SENP7: variants seen among roughly 807,000 people sequenced by gnomAD.
SENP7 encodes the protein sentrin-specific protease 7.
A neutral mutation model predicts 141.2 loss-of-function variants in SENP7; 64 were observed. That is an observed-to-expected ratio of 0.45 (90% confidence interval 0.37 to 0.56). The LOEUF (loss-of-function observed/expected upper bound fraction) is 0.56, where lower values mean the gene tolerates loss of function less well. Ranked by LOEUF, SENP7 falls within the 20% of genes least tolerant of loss-of-function variation. SENP7 has a pLI of 0.00. For synonymous variants in SENP7, 382 were observed against 426.4 expected, an observed-to-expected ratio of 0.90 and a Z score of 1.28; for missense variants, 1,025 against 1,212.2, an observed-to-expected ratio of 0.85 and a Z score of 2.29.
In SENP7 at chr3:101,398,897, T is replaced by C. The variant is rs779976247; in HGVS notation, c.641A>G (p.Asn214Ser). ...ATAACAGCTCTTGTGAGGGTTTAGA[T>C]TTTGATAAGATTCTAGGCTGCCATC... The part of the protein sequence containing the change: ...SSDGSLESYQ[N>S]LNPHKSCYLS... The change falls in exon 6 of 24, where the codon AAT becomes AGT. Residue 214 changes from asparagine (N) to serine (S), a missense_variant. Physicochemically the swap from Asn to Ser is conservative, Grantham distance 46. Around this residue, in one of 4 missense-constraint regions of SENP7, gnomAD observed 496 missense variants for 503.5 expected, o/e 0.99. Coordinates refer to ENST00000394095, the MANE Select transcript of SENP7 (RefSeq NM_020654.5). The C allele has an allele frequency of 6.2e-7, 1 of 1,610,620 alleles. No individual in the cohort carries two copies. Among genetic ancestry groups the C allele is most frequent in the South Asian group, 1.1e-5 (1 of 90,354 alleles).
intron 9 of SENP7, 143 bp downstream of exon 9, chr3:101,366,287 G>A: frequency 2.0e-6 from 1 of 497,036 alleles, no homozygotes; most frequent in Non-Finnish European, 3.4e-6. Flanking sequence ...CAAACCCCAA[G>A]CCCTTTTTTC....
intron 4 of SENP7, among the ~76,000 whole-genome samples, chr3:101,432,311 C>T (rs2062211850): frequency 6.6e-6 from 1 of 152,124 alleles, no homozygotes; most frequent in South Asian, 2.1e-4. Flanking sequence ...TTTTTGACTC[C>T]AGTCCCTGAC....
chr3:101,434,491 T>C (rs538912578), intron 4 of SENP7, among the ~76,000 whole-genome samples: 7 of 151,996 alleles, frequency 4.6e-5, no homozygotes, highest in African/African-American at 1.7e-4. Context: ...AAAAGTTGGT[T>C]TTTTCAAAAG....
chr3:101,368,827 A>T (rs550050294), intron 7 of SENP7, among the ~76,000 whole-genome samples: 1 of 152,338 alleles, frequency 6.6e-6, no homozygotes, highest in East Asian at 1.9e-4. Flanking sequence ...AAGTCTTTTA[A>T]AATGTAATTT....
At chr3:101,410,476 G>A (rs1318947648) in intron 5 of SENP7, among the ~76,000 whole-genome samples, 1 of 152,148 alleles carries the variant, frequency 6.6e-6, no homozygotes, top group Non-Finnish European at 1.5e-5. Context: ...TTGCACACGT[G>A]TTTATAGGAG....
intron 19 of SENP7, 103 bp downstream of exon 19, chr3:101,331,882 A>G: frequency 1.8e-6 from 2 of 1,135,752 alleles, no homozygotes; most frequent in South Asian, 3.5e-5. Flanking sequence ...AGTAGGTTTA[A>G]TGATAGTAAA....
chr3:101,463,364 A>AATATATATATATATATATATATATATAT (rs71625265), intron 3 of SENP7, among the ~76,000 whole-genome samples: 22 of 89,206 alleles, frequency 2.5e-4, no homozygotes, highest in South Asian at 3.6e-4. Flanking sequence ...TAAATAAATA[A>AATATATATATATATATATATATATATAT]ATATATATAT....
intron 13 of SENP7, among the ~76,000 whole-genome samples, chr3:101,347,084 T>C (rs1210758789): frequency 6.6e-6 from 1 of 151,724 alleles, no homozygotes; most frequent in Non-Finnish European, 1.5e-5. Flanking sequence ...TTGCCAGGTA[T>C]GGTGCTGCAC....
intron 4 of SENP7, among the ~76,000 whole-genome samples, chr3:101,439,051 G>A (rs1190721144): frequency 4.6e-5 from 6 of 130,322 alleles, no homozygotes; most frequent in Non-Finnish European, 8.4e-5. Flanking sequence ...AGTGAGGAGC[G>A]TCTCCGCCCG....
chr3:101,442,710 G>A (rs368431736), intron 4 of SENP7, among the ~76,000 whole-genome samples: 2 of 151,912 alleles, frequency 1.3e-5, no homozygotes, highest in South Asian at 2.1e-4. Flanking sequence ...TCATTAAAAA[G>A]AACCAAACAA....
chr3:101,513,083 T>A lies in SENP7; in HGVS notation c.40+8A>T. On this transcript the variant is annotated splice_region_variant and intron_variant, in intron 1 of 23. Coordinates refer to ENST00000394095, the MANE Select transcript of SENP7 (RefSeq NM_020654.5). ...AATATGTTCAGCCCTTCTCTGACCC[T>A]TTCTCACCGGATGAAGATGGCCGTC... The A allele has an allele frequency of 6.2e-7, 1 of 1,613,278 alleles. No individual in the cohort carries two copies.
intron 3 of SENP7, among the ~76,000 whole-genome samples, chr3:101,491,179 G>C (rs962104192): frequency 1.3e-5 from 2 of 148,762 alleles, no homozygotes; most frequent in African/African-American, 5.0e-5. Flanking sequence ...CTGGAGTATA[G>C]TGGCACAATC....
intron 4 of SENP7, among the ~76,000 whole-genome samples, chr3:101,444,627 T>G: frequency 6.6e-6 from 1 of 151,406 alleles, no homozygotes. Context: ...TCATTCTCAG[T>G]AAACTATCGC....
intron 9 of SENP7, among the ~76,000 whole-genome samples, chr3:101,365,581 G>A (rs1002681591): frequency 7.3e-6 from 1 of 137,008 alleles, no homozygotes; most frequent in African/African-American, 2.8e-5. Flanking sequence ...GTTGCAGTGA[G>A]CCAAGATCGC....
chr3:101,458,319 C>A (rs1403049435), intron 4 of SENP7, among the ~76,000 whole-genome samples: 2 of 152,096 alleles, frequency 1.3e-5, no homozygotes, highest in African/African-American at 4.8e-5. Flanking sequence ...TTATAATTTG[C>A]TATTGTCATT....
chr3:101,398,841 A>C lies in SENP7; in HGVS notation c.677+20T>G. On this transcript the variant is annotated intron_variant, in intron 6 of 23. Coordinates refer to ENST00000394095, the MANE Select transcript of SENP7 (RefSeq NM_020654.5). The stretch of plus-strand genomic sequence containing the variant: ...AAAAATAAATATAATTATTTTGAGT[A>C]AAGTTATCACTAAACATACCTTTCA... The C allele has an allele frequency of 6.8e-7, 1 of 1,471,990 alleles. No homozygotes were observed. The highest frequency in any genetic ancestry group is 9.2e-7 in the Non-Finnish European group (1 of 1,086,470). The allele number at this position is 1,471,990 out of a possible 1,614,324, so 91.2% of individuals were successfully genotyped here. A position where few individuals can be genotyped will look rare whatever the true frequency, so the allele number is the denominator to read the frequency against.
In SENP7 at chr3:101,417,738, A is replaced by G; in HGVS notation, c.337T>C (p.Phe113Leu). 1 of 1,613,906 alleles carries G rather than the reference A, an allele frequency of 6.2e-7. No individual in the cohort carries two copies. The highest frequency in any genetic ancestry group is 8.5e-7 in the Non-Finnish European group (1 of 1,179,884). Reference sequence around the variant, plus strand: ...TCGTTTCTAGGTAGGGTCTTTCTGAATTTTCGTCCTAAATCCGTCCATAGG... The same window carrying G: ...TCGTTTCTAGGTAGGGTCTTTCTGAGTTTTCGTCCTAAATCCGTCCATAGG... The part of the protein sequence containing the change: ...NVLWTDLGRK[F>L]RKTLPRNDAN... Residue 113 changes from phenylalanine (F) to leucine (L), a missense_variant, in exon 5 of 24, where the codon TTC (phenylalanine) becomes CTC (leucine). Physicochemically the swap from Phe to Leu is conservative, Grantham distance 22 (BLOSUM62 0). Transcript: ENST00000394095.
Position 101,372,038 on chromosome 3 carries a change from A to G in SENP7, c.766T>C (p.Ser256Pro). ...KEKRRKDDGI[S>P]LLISDTQPED... ...GGCTGAGTATCAGATATTAAAAGAG[A>G]AATGCCATCATCCTTTCTTCGTTTT... is the stretch of plus-strand genomic sequence containing the variant. The change falls in exon 7 of 24, where the codon TCT becomes CCT. Residue 256 changes from serine (S) to proline (P), a missense_variant. Ser to Pro is a moderately conservative substitution (Grantham distance 74, BLOSUM62 -1). This residue lies in a region of SENP7 where 496 missense variants were observed against 503.5 expected (regional missense o/e 0.99). Transcript: ENST00000394095. 6.4e-7 allele frequency: 1 copy of G among 1,558,328 alleles called. No individual in the cohort carries two copies. The highest frequency in any genetic ancestry group is 1.2e-5 in the South Asian group (1 of 81,224).
chr3:101,495,757 A>G (rs965125144), intron 2 of SENP7, among the ~76,000 whole-genome samples: 1 of 152,178 alleles, frequency 6.6e-6, no homozygotes, highest in African/African-American at 2.4e-5. Context: ...AGACCGGTAG[A>G]GGGAGCATCA....
Sources: gnomAD v4.1 joint callset for allele counts (sites outside exome capture counted in the v4.1 genomes callset) on GRCh38, gnomAD v4.1.1 for gene constraint, gnomAD v4.1.1 regional missense constraint, MANE v1.5 for transcripts, NCBI Gene and HGNC (gene_info 2026-07-23, HGNC 2026-07-21) for gene names.